Variants in HSPA12A observed in about 807,000 individuals in gnomAD.
HSPA12A encodes the protein heat shock protein family A (Hsp70) member 12A, also known as heat shock 70 kDa protein 12A.
HSPA12A carries 28 observed loss-of-function variants against 69.2 expected under a neutral mutation model. The observed-to-expected ratio is 0.40, with a 90% confidence interval of 0.30 to 0.55. The LOEUF (loss-of-function observed/expected upper bound fraction) is 0.55, where lower values mean the gene tolerates loss of function less well. Ranked by LOEUF, HSPA12A falls within the 20% of genes least tolerant of loss-of-function variation. HSPA12A has a pLI of 0.38. For synonymous variants in HSPA12A, 345 were observed against 370.5 expected (o/e 0.93, Z 0.79); for missense variants, 686 against 900.7 (o/e 0.76, Z 3.05).
chr10:116,789,529 GACTTAGCTGA>G (rs1352876164), intron 2 of HSPA12A, among the ~76,000 whole-genome samples: 1 of 152,098 alleles, frequency 6.6e-6, no homozygotes, highest in Non-Finnish European at 1.5e-5. Context: ...AATGTGCTAT[GACTTAGCTGA>G]ATAATGCCCT....
At chr10:116,771,354 C>G (rs541568897) in intron 2 of HSPA12A, among the ~76,000 whole-genome samples, 1 of 152,128 alleles carries the variant, frequency 6.6e-6, no homozygotes, top group African/African-American at 2.4e-5. Context: ...GGGGCCCTGA[C>G]GAGATACTGG....
chr10:116,763,919 T>A (rs1415060512), intron 2 of HSPA12A, among the ~76,000 whole-genome samples: 4 of 152,098 alleles, frequency 2.6e-5, no homozygotes, highest in African/African-American at 9.7e-5. Context: ...GAGTAAAATG[T>A]AGACACTGAT....
At chr10:116,758,670 G>A (rs1740294607) in intron 2 of HSPA12A, among the ~76,000 whole-genome samples, 1 of 152,076 alleles carries the variant, frequency 6.6e-6, no homozygotes, top group African/African-American at 2.4e-5. Flanking sequence ...TTTAGAGAGA[G>A]GGAAAGAGAG....
rs782665057 is a variant in HSPA12A, at chr10:116,676,392, T to C, written c.1390+7A>G. 6.2e-7 allele frequency: 1 copy of C among 1,611,182 alleles called. No individual in the cohort carries two copies. Among genetic ancestry groups the C allele is most frequent in the Non-Finnish European group, 8.5e-7 (1 of 1,177,818 alleles). On this transcript the variant is annotated splice_region_variant and intron_variant, in intron 11 of 11. Transcript: ENST00000369209. ...TCGCCGAGTGGCCGAGCCTGGCTGA[T>C]ACTTACGGAGATGCTCAATGATGCT...
At chr10:116,785,096 A>C (rs1554892195) in intron 2 of HSPA12A, among the ~76,000 whole-genome samples, 1 of 152,114 alleles carries the variant, frequency 6.6e-6, no homozygotes. Flanking sequence ...GACATTTCCC[A>C]GCCTTTGGGA....
At chr10:116,771,930 G>GCAGCTGTGCTGTCTCAGCCACGGCCA (rs1303447591) in intron 2 of HSPA12A, among the ~76,000 whole-genome samples, 2 of 152,226 alleles carry the variant, frequency 1.3e-5, no homozygotes, top group Non-Finnish European at 2.9e-5. Context: ...GGCTGCTCCA[G>GCAGCTGTGCTGTCTCAGCCACGGCCA]CAGCTGTGCT....
chr10:116,683,020 C>T (rs1240470973), intron 7 of HSPA12A, among the ~76,000 whole-genome samples: 1 of 151,902 alleles, frequency 6.6e-6, no homozygotes, highest in Non-Finnish European at 1.5e-5. Context: ...TCTTTTCTTG[C>T]AGCCTGAAAT....
At chr10:116,726,027 G>GCACACA (rs71013613) in intron 1 of HSPA12A, among the ~76,000 whole-genome samples, 2,247 of 146,174 alleles carry the variant, frequency 0.015, 133 homozygotes, top group Admixed American at 0.1. Flanking sequence ...ACACACACAC[G>GCACACA]CACACACACA....
rs1849173345 is a variant in HSPA12A, at chr10:116,674,730, A to T, written c.*51T>A. 1.3e-6 allele frequency: 2 copies of T among 1,548,962 alleles called. No homozygotes were observed. The highest frequency in any genetic ancestry group is 1.7e-5 in the Admixed American group (1 of 58,454). ...GGAAAGAACAGTCAAGGTTGAGGTC[A>T]GCAGATGCAGATAAGTTGAGTCCAA... On this transcript the variant is annotated 3_prime_UTR_variant, in exon 12 of 12. Coordinates refer to ENST00000369209, the MANE Select transcript of HSPA12A (RefSeq NM_025015.3).
intron 2 of HSPA12A, among the ~76,000 whole-genome samples, chr10:116,776,274 C>T (rs538243704): frequency 2.6e-5 from 4 of 152,320 alleles, no homozygotes; most frequent in Non-Finnish European, 5.9e-5. Flanking sequence ...CCCTCTGCCT[C>T]GGGATTTCGC....
Position 116,692,416 on chromosome 10 carries a change from C to A in HSPA12A, c.598G>T (p.Val200Phe), listed in dbSNP as rs1849763578. Residue 200 changes from valine to phenylalanine, a missense_variant, in exon 6 of 12, where the codon GTC becomes TTC. Physicochemically the swap from Val to Phe is conservative, Grantham distance 50. Coordinates refer to ENST00000369209, the MANE Select transcript of HSPA12A (RefSeq NM_025015.3). Reference protein sequence around the residue: ...SEFENSDVRWVITVPAIWKQP... With the variant: ...SEFENSDVRWFITVPAIWKQP... ...TTCCAGATGGCAGGCACCGTGATGA[C>A]CCATCTGACATCAGAGTTCTCGAAC... The A allele has an allele frequency of 6.2e-7, 1 of 1,614,056 alleles. No individual in the cohort carries two copies. The highest frequency in any genetic ancestry group is 8.5e-7 in the Non-Finnish European group (1 of 1,180,040).
At chr10:116,689,842 T>C (rs1849686450) in intron 6 of HSPA12A, among the ~76,000 whole-genome samples, 1 of 151,392 alleles carries the variant, frequency 6.6e-6, no homozygotes, top group African/African-American at 2.4e-5. Flanking sequence ...AAGGCAGTCA[T>C]GCAGGAGGAA....
rs1368779970 is a variant in HSPA12A at position 116,671,376 on chromosome 10, A to G, written c.*3405T>C. The G allele has an allele frequency of 2.0e-5, 3 of 152,230 alleles. No individual in the cohort carries two copies. The highest frequency in any genetic ancestry group is 7.2e-5 in the African/African-American group (3 of 41,462). The allele number at this position is 152,230 out of a possible 1,614,324, so 9.4% of individuals were successfully genotyped here. A position where few individuals can be genotyped will look rare whatever the true frequency, so the allele number is the denominator to read the frequency against. On this transcript the variant is annotated 3_prime_UTR_variant, in exon 12 of 12. Transcript: ENST00000369209. ...ATTTCAAGCAGATGAGAGGTGTGGC[A>G]TTATGGCCAACAACTTTTATATTAG...
chr10:116,784,756 T>G (rs893269470), intron 2 of HSPA12A, among the ~76,000 whole-genome samples: 1 of 152,196 alleles, frequency 6.6e-6, no homozygotes, highest in Non-Finnish European at 1.5e-5. Context: ...CTGGCTGAGC[T>G]GGGTCAATGA....
intron 2 of HSPA12A, among the ~76,000 whole-genome samples, chr10:116,781,590 G>A (rs1051092756): frequency 1.3e-5 from 2 of 152,200 alleles, no homozygotes; most frequent in African/African-American, 2.4e-5. Flanking sequence ...GCCTGTGTCG[G>A]TTTCTCAGGA....
At chr10:116,802,148 A>C (rs1844970794) in intron 2 of HSPA12A, among the ~76,000 whole-genome samples, 1 of 152,196 alleles carries the variant, frequency 6.6e-6, no homozygotes. Flanking sequence ...CCAGCTTACA[A>C]AATGACCCGA....
chr10:116,843,776 G>A (rs1244986489), intron 1 of HSPA12A, among the ~76,000 whole-genome samples: 4 of 152,192 alleles, frequency 2.6e-5, no homozygotes, highest in African/African-American at 7.2e-5. Context: ...ATATGCATGG[G>A]CCCCACCCTC....
chr10:116,796,326 C>T lies in HSPA12A; in HGVS notation c.91+38609G>A, dbSNP rs1367978195. Among the ~76,000 whole-genome samples, 2 of 150,788 alleles carry T rather than the reference C, an allele frequency of 1.3e-5. 1 individual carries two copies. The highest frequency in any genetic ancestry group is 5.0e-5 in the African/African-American group (2 of 40,228). ...GATCAAAATTTGGGAAACACTAATC[C>T]AAGACTCCAAAAATGAACTCTAGAC... On this transcript the variant is annotated intron_variant, in intron 2 of 12. Transcript: ENST00000635765.
chr10:116,746,595 G>T (rs782150662), upstream of HSPA12A, among the ~76,000 whole-genome samples: 3 of 152,076 alleles, frequency 2.0e-5, no homozygotes, highest in Non-Finnish European at 2.9e-5. Context: ...TGTCAAAAGG[G>T]CCCAGTAATG....
Sources: allele counts gnomAD v4.1 joint callset (sites outside exome capture counted in the v4.1 genomes callset), GRCh38; gene constraint gnomAD v4.1.1; transcripts MANE v1.5; gene names NCBI Gene and HGNC (gene_info 2026-07-23, HGNC 2026-07-21).